Variants in PHF21A observed in about 807,000 individuals in gnomAD.
PHF21A encodes PHD finger protein 21A.
A neutral mutation model predicts 82.5 loss-of-function variants in PHF21A; 11 were observed. The ratio of observed to expected loss-of-function variants is 0.13; its 90% CI spans 0.08 to 0.22. The LOEUF is 0.22. PHF21A is among the 10% of genes least tolerant of loss of function. The probability of loss-of-function intolerance (pLI) is 1.00; values close to 1 mark genes in which losing one functional copy is unlikely to be tolerated. For missense variants in PHF21A, 579 were observed against 837.8 expected, an observed-to-expected ratio of 0.69 and a Z score of 3.81; for synonymous variants, 297 against 302.8, an observed-to-expected ratio of 0.98 and a Z score of 0.20.
At chr11:46,111,116 G>C (rs535479079) in intron 1 of PHF21A, among the ~76,000 whole-genome samples, 72 of 151,238 alleles carry the variant, frequency 4.8e-4, no homozygotes, top group Middle Eastern at 3.4e-3. Flanking sequence ...CAACTATGTG[G>C]GGGGGGAGGC....
At position 46,005,310 on chromosome 11, in the gene PHF21A, T is replaced by C. The variant is rs1841724104; in HGVS notation, c.154-25344A>G. Among the ~76,000 whole-genome samples, 3 of 152,336 alleles carry C rather than the reference T, an allele frequency of 2.0e-5. No homozygotes were observed. In the South Asian group the frequency reaches 6.2e-4, roughly 32 times the overall value. ...GTACAAAATGATGTAAAATATTGTA[T>C]AAAATTTATACAAATTTATGCTTGG... On this transcript the variant is annotated intron_variant, in intron 6 of 18. Transcript: ENST00000676320.
At chr11:46,050,125 G>A (rs1320861601) in intron 6 of PHF21A, among the ~76,000 whole-genome samples, 3 of 152,218 alleles carry the variant, frequency 2.0e-5, no homozygotes, top group Admixed American at 6.5e-5. Context: ...AATGCTTCAC[G>A]CCAAGTTTTA....
At chr11:46,106,440 T>C (rs1378794119) in intron 1 of PHF21A, among the ~76,000 whole-genome samples, 1 of 152,216 alleles carries the variant, frequency 6.6e-6, no homozygotes, top group Admixed American at 6.5e-5. Flanking sequence ...CAAGTCCTGA[T>C]AAGTTAACGG....
intron 6 of PHF21A, among the ~76,000 whole-genome samples, chr11:46,028,824 G>A (rs191675991): frequency 3.3e-5 from 5 of 151,590 alleles, no homozygotes; most frequent in East Asian, 1.9e-4. Flanking sequence ...CACTCGCCTC[G>A]GCCTCCCAAA....
chr11:45,961,897 T>C (rs2093106814), intron 10 of PHF21A, among the ~76,000 whole-genome samples: 1 of 152,230 alleles, frequency 6.6e-6, no homozygotes, highest in Non-Finnish European at 1.5e-5. Context: ...TTAAACCCTA[T>C]CACTTGTTTT....
chr11:45,975,497 T>G (rs2093982181), intron 7 of PHF21A, among the ~76,000 whole-genome samples: 1 of 152,194 alleles, frequency 6.6e-6, no homozygotes, highest in South Asian at 2.1e-4. Context: ...GGTTTAATTT[T>G]GAATGCAGTC....
At chr11:45,951,136 G>C in intron 11 of PHF21A, among the ~76,000 whole-genome samples, 1 of 152,220 alleles carries the variant, frequency 6.6e-6, no homozygotes, top group Admixed American at 6.5e-5. Flanking sequence ...GGTCTGAAAA[G>C]TGTGTCTTCA....
chr11:46,023,031 A>G (rs2095661905), intron 6 of PHF21A, among the ~76,000 whole-genome samples: 1 of 152,190 alleles, frequency 6.6e-6, no homozygotes, highest in Admixed American at 6.5e-5. Flanking sequence ...GATTATGGGC[A>G]TGAGCCACCG....
rs571171993 is a variant in PHF21A, at chr11:45,935,731, C to G, written c.1693G>C (p.Glu565Gln). 1.5e-6 allele frequency: 1 copy of G among 659,958 alleles called. No individual in the cohort carries two copies. Among genetic ancestry groups the G allele is most frequent in the Admixed American group, 3.2e-5 (1 of 30,860 alleles). The allele number at this position is 659,958 out of a possible 1,614,324, so 40.9% of individuals were successfully genotyped here. A position where few individuals can be genotyped will look rare whatever the true frequency, so the allele number is the denominator to read the frequency against. The change falls in exon 18 of 19, where the codon GAA becomes CAA. Residue 565 changes from glutamate to glutamine, a missense_variant. Glu to Gln is a conservative substitution (Grantham distance 29). This residue lies in a region of PHF21A where 157 missense variants were observed against 149.4 expected (regional missense o/e 1.05). Coordinates refer to ENST00000676320, the MANE Select transcript of PHF21A (RefSeq NM_001352027.3). Reference protein sequence around the residue: ...SYIAYKAAKEEEKQKLLKWSS... With the variant: ...SYIAYKAAKEQEKQKLLKWSS... ...CATTTAAGTAACTTCTGTTTCTCTT[C>G]TTCTTTTGCTAAAAAAAAAAAAAAA...
At chr11:45,983,254 G>C (rs889250908) in intron 6 of PHF21A, among the ~76,000 whole-genome samples, 1 of 152,062 alleles carries the variant, frequency 6.6e-6, no homozygotes, top group African/African-American at 2.4e-5. Context: ...GGGCTGGTGG[G>C]GGGACATGAT....
intron 15 of PHF21A, 95 bp from the exon 16 acceptor site, chr11:45,938,407 C>T (rs929224044): frequency 5.2e-6 from 5 of 967,628 alleles, no homozygotes; most frequent in African/African-American, 1.6e-5. Context: ...TGTTTTAGGA[C>T]AATCAGCTGC....
At chr11:45,952,125 A>G (rs376591323) in intron 11 of PHF21A, among the ~76,000 whole-genome samples, 63 of 152,338 alleles carry the variant, frequency 4.1e-4, no homozygotes, top group African/African-American at 1.4e-3. Context: ...ATGATAGAAT[A>G]AAAAGCTGTC....
intron 17 of PHF21A, 110 bp from the exon 18 acceptor site, chr11:45,935,849 A>G: frequency 1.5e-6 from 1 of 648,514 alleles, no homozygotes; most frequent in Non-Finnish European, 2.7e-6. Context: ...CAGAGCTCCC[A>G]TGAGTCCTAC....
At chr11:46,042,337 A>G (rs1436305565) in intron 6 of PHF21A, among the ~76,000 whole-genome samples, 1 of 152,160 alleles carries the variant, frequency 6.6e-6, no homozygotes, top group Non-Finnish European at 1.5e-5. Context: ...CTAGAATTTG[A>G]CGGTAAACCA....
chr11:46,104,401 T>C (rs1222180300), intron 1 of PHF21A, among the ~76,000 whole-genome samples: 1 of 151,906 alleles, frequency 6.6e-6, no homozygotes, highest in Non-Finnish European at 1.5e-5. Flanking sequence ...CACCAGCTGT[T>C]GAGAAAAAAA....
intron 6 of PHF21A, among the ~76,000 whole-genome samples, chr11:45,995,575 T>C (rs888687621): frequency 6.6e-6 from 1 of 152,210 alleles, no homozygotes; most frequent in Non-Finnish European, 1.5e-5. Flanking sequence ...CATTTTTCTT[T>C]ATAATTACAC....
chr11:46,024,673 C>A (rs553636315), intron 6 of PHF21A, among the ~76,000 whole-genome samples: 1 of 152,008 alleles, frequency 6.6e-6, no homozygotes, highest in Non-Finnish European at 1.5e-5. Context: ...TGGTGGCACA[C>A]GCCTATAATC....
chr11:46,023,277 G>C (rs1006435738), intron 6 of PHF21A, among the ~76,000 whole-genome samples: 1 of 152,228 alleles, frequency 6.6e-6, no homozygotes, highest in Admixed American at 6.5e-5. Context: ...CTGGCAGAGA[G>C]ACAGCTGATG....
At chr11:46,101,335 A>C (rs1242742898) in intron 1 of PHF21A, among the ~76,000 whole-genome samples, 1 of 152,232 alleles carries the variant, frequency 6.6e-6, no homozygotes, top group Non-Finnish European at 1.5e-5. Context: ...GAACATTCTC[A>C]TACACATTTT....
Sources: allele counts gnomAD v4.1 joint callset (sites outside exome capture counted in the v4.1 genomes callset), GRCh38; gene constraint gnomAD v4.1.1; regional missense constraint gnomAD v4.1.1; transcripts MANE v1.5; gene names NCBI Gene and HGNC (gene_info 2026-07-23, HGNC 2026-07-21).